PHF20L1: variants seen among roughly 807,000 people sequenced by gnomAD.
PHF20L1 encodes the protein PHD finger protein 20 like 1.
In PHF20L1, 44 loss-of-function variants were observed where a neutral mutation model predicts 125.5. The ratio of observed to expected loss-of-function variants is 0.35; its 90% CI spans 0.28 to 0.45. The LOEUF is 0.45. PHF20L1 is among the 20% of genes least tolerant of loss of function. The pLI is 1.00. For synonymous variants in PHF20L1, 380 were observed against 403.1 expected, an observed-to-expected ratio of 0.94 and a Z score of 0.69; for missense variants, 1,012 against 1,217.2, an observed-to-expected ratio of 0.83 and a Z score of 2.51.
chr8:132,798,699 A>G (rs1325705641), intron 4 of PHF20L1, 73 bp from the exon 5 acceptor site: 3 of 918,356 alleles, frequency 3.3e-6, no homozygotes, highest in Non-Finnish European at 3.4e-6. Context: ...ACAAGTCACT[A>G]CTTGTTAGAT....
intron 1 of PHF20L1, among the ~76,000 whole-genome samples, chr8:132,776,473 T>G (rs970718848): frequency 1.2e-4 from 18 of 152,210 alleles, no homozygotes; most frequent in Admixed American, 5.9e-4. Flanking sequence ...ATTTGTTCTT[T>G]TGCACCAGCT....
At chr8:132,811,155 T>C (rs1483098452) in intron 9 of PHF20L1, 27 bp downstream of exon 9, 1 of 1,612,016 alleles carries the variant, frequency 6.2e-7, no homozygotes, top group African/African-American at 1.3e-5. Context: ...TTTGATTTTT[T>C]TCAAGGTTCC....
chr8:132,819,932 G>A (rs935343500), intron 12 of PHF20L1, among the ~76,000 whole-genome samples: 51 of 151,924 alleles, frequency 3.4e-4, no homozygotes, highest in African/African-American at 8.4e-4. Context: ...TTTTACTTTT[G>A]GGGGAGCAAG....
chr8:132,827,141 C>G (rs1354401416), intron 14 of PHF20L1, among the ~76,000 whole-genome samples: 1 of 151,924 alleles, frequency 6.6e-6, no homozygotes, highest in African/African-American at 2.4e-5. Context: ...TTGCGCCTCA[C>G]TCCTTTCCCT....
chr8:132,823,863 C>T, intron 12 of PHF20L1, 141 bp from the exon 13 acceptor site: 7 of 515,986 alleles, frequency 1.4e-5, no homozygotes, highest in East Asian at 3.3e-5. Context: ...GCTTTGTTAC[C>T]AGTTCAGGCA....
rs1838567186 is a variant in PHF20L1, at chr8:132,848,485, T to C, written c.*2562T>C. On this transcript the variant is annotated 3_prime_UTR_variant, in exon 21 of 21. Coordinates refer to ENST00000395386, the MANE Select transcript of PHF20L1 (RefSeq NM_016018.5). Reference sequence around the variant, plus strand: ...ATGTATTTAAATAGAAGCAATAAACTAGAGAGAGTGTTTCTTGAAAAGACA... The same window carrying C: ...ATGTATTTAAATAGAAGCAATAAACCAGAGAGAGTGTTTCTTGAAAAGACA... 1 of 152,518 alleles carries C rather than the reference T, an allele frequency of 6.6e-6. No individual in the cohort carries two copies. Among genetic ancestry groups the C allele is most frequent in the South Asian group, 2.1e-4 (1 of 4,832 alleles). 9.4% of individuals were successfully genotyped at this position (152,518 alleles called of 1,614,324 possible). A position where few individuals can be genotyped will look rare whatever the true frequency, so the allele number is the denominator to read the frequency against.
intron 9 of PHF20L1, chr8:132,811,564 A>G: frequency 7.1e-6 from 7 of 983,950 alleles, no homozygotes; most frequent in Non-Finnish European, 8.4e-6. Flanking sequence ...GAATTGATCA[A>G]TGAGCCATAC....
Position 132,824,054 on chromosome 8 carries a change from G to A in PHF20L1, c.1630G>A (p.Ala544Thr). 3 of 1,592,276 alleles carry A rather than the reference G, an allele frequency of 1.9e-6. No homozygotes were observed. Among genetic ancestry groups the A allele is most frequent in the Non-Finnish European group, 2.6e-6 (3 of 1,162,548 alleles). ...GAAATTGGAAGACAAAAGCTCAACA[G>A]CATTTGGTATGAACAGAAAGTAATC... is the stretch of plus-strand genomic sequence containing the variant. ...KVKLEDKSST[A>T]FGKRKEKDKE... Residue 544 changes from alanine (A) to threonine (T), a missense_variant, in exon 13 of 21, where the codon GCA becomes ACA. Physicochemically the swap from Ala to Thr is moderately conservative, Grantham distance 58. Around this residue, in one of 7 missense-constraint regions of PHF20L1, gnomAD observed 320 missense variants for 293.8 expected, o/e 1.09. Transcript: ENST00000395386.
intron 13 of PHF20L1, chr8:132,824,864 G>GT (rs5895160): frequency 0.49 from 131,453 of 267,726 alleles, 24,881 homozygotes; most frequent in Admixed American, 0.52. Context: ...AGTCCATCAG[G>GT]TTTTTTTTTT....
chr8:132,835,122 A>G (rs1837203239), intron 15 of PHF20L1, among the ~76,000 whole-genome samples: 1 of 151,848 alleles, frequency 6.6e-6, no homozygotes, highest in Non-Finnish European at 1.5e-5. Context: ...TCTCTCTCTG[A>G]CTCTCTCCTT....
At chr8:132,779,279 T>C (rs1830165154) in intron 2 of PHF20L1, among the ~76,000 whole-genome samples, 1 of 152,160 alleles carries the variant, frequency 6.6e-6, no homozygotes, top group African/African-American at 2.4e-5. Context: ...TCAAAATGTC[T>C]CCAGACATTG....
intron 12 of PHF20L1, among the ~76,000 whole-genome samples, chr8:132,820,581 C>T (rs1835469066): frequency 6.6e-6 from 1 of 151,900 alleles, no homozygotes; most frequent in Admixed American, 6.6e-5. Flanking sequence ...CTGGTAGAGC[C>T]TCTTAAAAAC....
chr8:132,798,752 CT>C lies in PHF20L1; in HGVS notation c.341-19del. 1 of 1,494,368 alleles carries C rather than the reference CT, an allele frequency of 6.7e-7. No individual in the cohort carries two copies. Among genetic ancestry groups the C allele is most frequent in the South Asian group, 1.2e-5 (1 of 86,194 alleles). The allele number at this position is 1,494,368 out of a possible 1,614,324, so 92.6% of individuals were successfully genotyped here. ...ACTTGAATTATATTTTCTAATGATT[CT>C]GACTTGCTCCTGTTTCAGGAACATT... On this transcript the variant is annotated intron_variant, in intron 4 of 20. Transcript: ENST00000395386.
At chr8:132,799,264 T>TTGTG in intron 6 of PHF20L1, 92 bp downstream of exon 6, 1 of 688,326 alleles carries the variant, frequency 1.5e-6, no homozygotes, top group Non-Finnish European at 2.5e-6. Flanking sequence ...AAAATTTACA[T>TTGTG]TGAGTTCTTA....
At chr8:132,827,578 G>C (rs115808226) in intron 14 of PHF20L1, among the ~76,000 whole-genome samples, 1 of 151,934 alleles carries the variant, frequency 6.6e-6, no homozygotes. Flanking sequence ...AAATAAGAAG[G>C]GGCCCACACT....
chr8:132,829,550 A>G (rs533429876), intron 14 of PHF20L1, among the ~76,000 whole-genome samples: 3 of 152,168 alleles, frequency 2.0e-5, no homozygotes, highest in African/African-American at 7.2e-5. Context: ...CACTGGAGTC[A>G]GAATAGCGTA....
intron 1 of PHF20L1, among the ~76,000 whole-genome samples, chr8:132,777,482 G>C (rs894442027): frequency 2.6e-5 from 4 of 152,292 alleles, no homozygotes; most frequent in African/African-American, 7.2e-5. Flanking sequence ...ATTTTCTTGG[G>C]TATCTGGAAG....
chr8:132,782,709 C>G (rs1462909556), intron 2 of PHF20L1, among the ~76,000 whole-genome samples: 1 of 152,078 alleles, frequency 6.6e-6, no homozygotes, highest in South Asian at 2.1e-4. Flanking sequence ...CTGCTTCAAC[C>G]TCCCAAGTAG....
intron 2 of PHF20L1, 108 bp downstream of exon 2, chr8:132,778,019 C>A: frequency 1.4e-6 from 1 of 706,706 alleles, no homozygotes; most frequent in Non-Finnish European, 2.5e-6. Context: ...TCAGTGTATT[C>A]ACATTTCGAT....
Sources: allele counts gnomAD v4.1 joint callset (sites outside exome capture counted in the v4.1 genomes callset), GRCh38; gene constraint gnomAD v4.1.1; regional missense constraint gnomAD v4.1.1; transcripts MANE v1.5; gene names NCBI Gene and HGNC (gene_info 2026-07-23, HGNC 2026-07-21).